The following AP2A2 variants were observed in gnomAD, a reference collection of about 807,000 sequenced individuals.
AP2A2 encodes the protein AP-2 complex subunit alpha-2.
AP2A2 carries 32 observed loss-of-function variants against 104.2 expected under a neutral mutation model. The ratio of observed to expected loss-of-function variants is 0.31; its 90% CI spans 0.23 to 0.41. The LOEUF (loss-of-function observed/expected upper bound fraction) is 0.41, where lower values mean the gene tolerates loss of function less well. Ranked by LOEUF, AP2A2 falls within the 10% of genes least tolerant of loss-of-function variation. The probability of loss-of-function intolerance (pLI) is 1.00; values close to 1 mark genes in which losing one functional copy is unlikely to be tolerated. For synonymous variants in AP2A2, 539 were observed against 533.3 expected (o/e 1.01, Z -0.15); for missense variants, 912 against 1,261.0 (o/e 0.72, Z 4.19).
At chr11:983,459 T>C (rs1855325757) in intron 6 of AP2A2, among the ~76,000 whole-genome samples, 5 of 151,944 alleles carry the variant, frequency 3.3e-5, no homozygotes, top group Admixed American at 3.3e-4. Context: ...CTTGGCTCAC[T>C]ACAAGCTCCG....
intron 2 of AP2A2, among the ~76,000 whole-genome samples, chr11:966,843 A>G (rs1301537185): frequency 1.3e-5 from 2 of 152,116 alleles, no homozygotes; most frequent in Non-Finnish European, 2.9e-5. Context: ...CTCACTCTCC[A>G]GTTTATCTTA....
rs746749434 is a variant in AP2A2, at chr11:994,064, T to C, written c.1783-8T>C. ...CTCTGACCAGTCCCACCCTGTGTTC[T>C]TTCCAAGGCGACCGTGCTGGAGGAG... On this transcript the variant is annotated splice_region_variant and splice_polypyrimidine_tract_variant and intron_variant, in intron 13 of 21. Coordinates refer to ENST00000448903, the MANE Select transcript of AP2A2 (RefSeq NM_012305.4). 1.2e-6 allele frequency: 2 copies of C among 1,612,454 alleles called. No individual in the cohort carries two copies. Among genetic ancestry groups the C allele is most frequent in the Admixed American group, 3.3e-5 (2 of 59,984 alleles).
chr11:993,444 C>CATCAA lies in AP2A2; in HGVS notation c.1550+64_1550+65insTCAAA. The CATCAA allele has an allele frequency of 8.0e-7, 1 of 1,255,736 alleles. No individual in the cohort carries two copies. Among genetic ancestry groups the CATCAA allele is most frequent in the East Asian group, 2.8e-5 (1 of 35,892 alleles). 77.8% of individuals were successfully genotyped at this position (1,255,736 alleles called of 1,614,324 possible). ...CGGCGGGCCTCTCGGTGGTCGGTGG[C>CATCAA]AAGAGGCGAGGCACCAGCTGGCCCT... On this transcript the variant is annotated intron_variant, in intron 12 of 21. Transcript: ENST00000448903. This position sits in a 1 kb window ranked among gnomAD's most constrained non-coding sequence, Gnocchi z 8.2.
chr11:989,195 C>T (rs1410836276), intron 10 of AP2A2, among the ~76,000 whole-genome samples: 3 of 152,110 alleles, frequency 2.0e-5, no homozygotes, highest in Admixed American at 6.5e-5. Flanking sequence ...GGCGTAGTGG[C>T]GCATGCCTGT....
Position 925,918 on chromosome 11 carries a change from G to A in AP2A2, c.-104G>A. ...GGCGGCCGTGGTTAGGCGGCTCCCC[G>A]GCGGCTCCTCCGCGGCGGTGACGGC... On this transcript the variant is annotated 5_prime_UTR_variant, in exon 1 of 22. Coordinates refer to ENST00000448903, the MANE Select transcript of AP2A2 (RefSeq NM_012305.4). The A allele has an allele frequency of 2.3e-6, 2 of 888,844 alleles. No homozygotes were observed. The highest frequency in any genetic ancestry group is 3.0e-5 in the South Asian group (1 of 32,956). The allele number at this position is 888,844 out of a possible 1,614,324, so 55.1% of individuals were successfully genotyped here. A position where few individuals can be genotyped will look rare whatever the true frequency, so the allele number is the denominator to read the frequency against.
At position 1,009,376 on chromosome 11, in the gene AP2A2, C is replaced by G; in HGVS notation, c.2586C>G (p.Asp862Glu). The change falls in exon 20 of 22, where the codon GAC becomes GAG. Residue 862 changes from aspartate (D) to glutamate (E), a missense_variant. Around this residue, in one of 7 missense-constraint regions of AP2A2, gnomAD observed 239 missense variants for 329.8 expected, o/e 0.72. Transcript: ENST00000448903. ...TCTTCAAAGCAAAGCACCCAATGGACACAGAAGTCACCAAAGCCAAGGTAA... is the reference window on the plus strand; with the variant it reads ...TCTTCAAAGCAAAGCACCCAATGGAGACAGAAGTCACCAAAGCCAAGGTAA... ...QNIFKAKHPM[D>E]TEVTKAKIIG... The G allele has an allele frequency of 6.2e-7, 1 of 1,613,490 alleles. No individual in the cohort carries two copies. The highest frequency in any genetic ancestry group is 8.5e-7 in the Non-Finnish European group (1 of 1,179,718).
rs1347117817 is a variant in AP2A2 at position 993,706 on chromosome 11, C to G, written c.1551-48C>G. ...CCCCCCCCGCGGGGGCGTGCTGCAGCCTGCGAGGGGACGACGGTGTCCCTG... is the reference window on the plus strand; with the variant it reads ...CCCCCCCCGCGGGGGCGTGCTGCAGGCTGCGAGGGGACGACGGTGTCCCTG... On this transcript the variant is annotated intron_variant, in intron 12 of 21. Coordinates refer to ENST00000448903, the MANE Select transcript of AP2A2 (RefSeq NM_012305.4). This position sits in a 1 kb window ranked among gnomAD's most constrained non-coding sequence, Gnocchi z 8.2. 6.9e-7 allele frequency: 1 copy of G among 1,453,306 alleles called. No homozygotes were observed. The highest frequency in any genetic ancestry group is 1.4e-5 in the African/African-American group (1 of 71,686). The allele number at this position is 1,453,306 out of a possible 1,614,324, so 90.0% of individuals were successfully genotyped here.
chr11:1,010,872 A>C lies in AP2A2; in HGVS notation c.*247A>C, dbSNP rs1271321190. The C allele has an allele frequency of 3.2e-6, 2 of 631,916 alleles. No individual in the cohort carries two copies. Among genetic ancestry groups the C allele is most frequent in the African/African-American group, 3.6e-5 (2 of 55,002 alleles). The allele number at this position is 631,916 out of a possible 1,614,324, so 39.1% of individuals were successfully genotyped here. ...TGGATCTTGGGATCAATTTTTATAAAAATCGAGACAGTTCTGTGGTTAAAT... is the reference window on the plus strand; with the variant it reads ...TGGATCTTGGGATCAATTTTTATAACAATCGAGACAGTTCTGTGGTTAAAT... On this transcript the variant is annotated 3_prime_UTR_variant, in exon 22 of 22. Coordinates refer to ENST00000448903, the MANE Select transcript of AP2A2 (RefSeq NM_012305.4).
intron 1 of AP2A2, among the ~76,000 whole-genome samples, chr11:931,226 G>A (rs1473073434): frequency 6.6e-6 from 1 of 152,110 alleles, no homozygotes; most frequent in African/African-American, 2.4e-5. Context: ...AAAAGATACC[G>A]AGAAAACAAA....
At chr11:975,963 G>A (rs569659282) in intron 4 of AP2A2, among the ~76,000 whole-genome samples, 240 of 152,204 alleles carry the variant, frequency 1.6e-3, no homozygotes, top group Admixed American at 3.1e-3. Context: ...TCTGAGGAGT[G>A]TGGCATGCTG....
chr11:989,573 T>G (rs1463542885), intron 10 of AP2A2, among the ~76,000 whole-genome samples: 1 of 152,262 alleles, frequency 6.6e-6, no homozygotes, highest in African/African-American at 2.4e-5. Context: ...GGACGGGATC[T>G]AGGCCATAGC....
chr11:974,422 C>T (rs113831106), intron 4 of AP2A2, among the ~76,000 whole-genome samples: 4 of 152,278 alleles, frequency 2.6e-5, no homozygotes, highest in African/African-American at 7.2e-5. Context: ...CAGTGGCTCA[C>T]GCATGTAATC....
chr11:951,308 C>G (rs1854044715), intron 1 of AP2A2, among the ~76,000 whole-genome samples: 1 of 152,074 alleles, frequency 6.6e-6, no homozygotes, highest in Non-Finnish European at 1.5e-5. Context: ...GGGTGGATCA[C>G]CTGAGGTCAG....
chr11:969,386 C>T (rs1004557905), intron 2 of AP2A2, among the ~76,000 whole-genome samples: 4 of 152,008 alleles, frequency 2.6e-5, no homozygotes, highest in Non-Finnish European at 4.4e-5. Context: ...TGCACCACCA[C>T]GCCTGGCTAA....
rs775011494 is a variant in AP2A2 at position 972,214 on chromosome 11, C to T, written c.432C>T (p.Ala144=). ...CIASVGSREM[A]EAFAGEIPKV... is the part of the protein sequence containing the mutation. ...CCAGCGTGGGCAGCCGGGAGATGGCCGAGGCCTTCGCCGGGGAGATCCCTA... is the reference window on the plus strand; with the variant it reads ...CCAGCGTGGGCAGCCGGGAGATGGCTGAGGCCTTCGCCGGGGAGATCCCTA... The change falls in exon 4 of 22, where the codon GCC becomes GCT. Residue 144 remains alanine (A), a synonymous_variant. Transcript: ENST00000448903. The T allele has an allele frequency of 6.3e-5, 101 of 1,609,756 alleles. No individual in the cohort carries two copies. The Admixed American group carries it at 1.1e-3, about 18-fold the overall frequency.
Position 968,044 on chromosome 11 carries a change from G to T in AP2A2, c.137-2125G>T, listed in dbSNP as rs1417054807. Reference sequence around the variant, plus strand: ...GCCAGGGGAGCTGGCGGGCTCACCTGCCACCTGCCCCACCGAGATGGGTGA... The same window carrying T: ...GCCAGGGGAGCTGGCGGGCTCACCTTCCACCTGCCCCACCGAGATGGGTGA... On this transcript the variant is annotated intron_variant, in intron 2 of 21. Transcript: ENST00000448903. This position sits in a 1 kb window ranked among gnomAD's most constrained non-coding sequence, Gnocchi z 4.2. Among the ~76,000 whole-genome samples, 1 of 152,128 alleles carries T rather than the reference G, an allele frequency of 6.6e-6. No individual in the cohort carries two copies. Among genetic ancestry groups the T allele is most frequent in the Admixed American group, 6.6e-5 (1 of 15,266 alleles).
At position 992,736 on chromosome 11, in the gene AP2A2, G is replaced by C. The variant is rs1223665405; in HGVS notation, c.1452+51G>C. 6.2e-7 allele frequency: 1 copy of C among 1,604,374 alleles called. No homozygotes were observed. Among genetic ancestry groups the C allele is most frequent in the South Asian group, 1.1e-5 (1 of 90,654 alleles). On this transcript the variant is annotated intron_variant, in intron 11 of 21. Transcript: ENST00000448903. This position sits in a 1 kb window ranked among gnomAD's most constrained non-coding sequence, Gnocchi z 6.4. ...GATGGGGTGGAGGGCAGTTGCAGAA[G>C]GTGAGCAGTGAGTGGTTCCAGCCTG...
chr11:937,265 C>A (rs1853489028), intron 1 of AP2A2, among the ~76,000 whole-genome samples: 1 of 152,048 alleles, frequency 6.6e-6, no homozygotes, highest in Non-Finnish European at 1.5e-5. Flanking sequence ...GGTGATCCGC[C>A]CGCTTCGGCC....
At position 992,926 on chromosome 11, in the gene AP2A2, C is replaced by G. The variant is rs926806318; in HGVS notation, c.1452+241C>G. 5.9e-5 allele frequency among the ~76,000 whole-genome samples: 9 copies of G among 152,152 alleles called. No individual in the cohort carries two copies. The highest frequency in any genetic ancestry group is 2.2e-4 in the African/African-American group (9 of 41,436). ...GGGGGCCACCTGAGAAAGCCGGCCT[C>G]TGTGTGTGTGAGAGCATGCTGGGGC... is the stretch of plus-strand genomic sequence containing the variant. On this transcript the variant is annotated intron_variant, in intron 11 of 21. Transcript: ENST00000448903. The surrounding 1 kb of genome is among the most constrained non-coding windows in gnomAD (Gnocchi z 6.4).
Sources: gnomAD v4.1 joint callset for allele counts (sites outside exome capture counted in the v4.1 genomes callset) on GRCh38, gnomAD v4.1.1 for gene constraint, gnomAD v4.1.1 regional missense constraint, Gnocchi (gnomAD v3.1) non-coding constraint, MANE v1.5 for transcripts, NCBI Gene and HGNC (gene_info 2026-07-23, HGNC 2026-07-21) for gene names.